The following SPTSSB variants were observed in gnomAD, a reference collection of about 807,000 sequenced individuals.
SPTSSB encodes serine palmitoyltransferase small subunit B.
Under a neutral mutation model 7.7 loss-of-function variants are expected in SPTSSB, and 6 were observed. The observed-to-expected ratio is 0.78, with a 90% CI of 0.43 to 1.54. SPTSSB has a LOEUF of 1.54. Ranked by LOEUF, SPTSSB falls within the 40% of genes most tolerant of loss-of-function variation. The probability of loss-of-function intolerance (pLI) is 0.01; values close to 1 mark genes in which losing one functional copy is unlikely to be tolerated. For synonymous variants in SPTSSB, 28 were observed against 29.7 expected (o/e 0.94, Z 0.19); for missense variants, 91 against 93.0 (o/e 0.98, Z 0.09).
intron 1 of SPTSSB, among the ~76,000 whole-genome samples, chr3:161,362,611 G>A (rs1294939172): frequency 6.6e-6 from 1 of 152,056 alleles, no homozygotes; most frequent in Non-Finnish European, 1.5e-5. Flanking sequence ...GTGAGAGTGG[G>A]AATGATCAAG....
intron 1 of SPTSSB, among the ~76,000 whole-genome samples, chr3:161,362,504 AT>A (rs1361934701): frequency 6.6e-6 from 1 of 152,110 alleles, no homozygotes; most frequent in Admixed American, 6.5e-5. Flanking sequence ...AGCATTGATT[AT>A]TTTAGACTCA....
chr3:161,357,977 A>G (rs1380596341), intron 2 of SPTSSB, among the ~76,000 whole-genome samples: 2 of 152,086 alleles, frequency 1.3e-5, no homozygotes, highest in Non-Finnish European at 2.9e-5. Flanking sequence ...GGAAGCAAAT[A>G]CAGATATCTT....
At chr3:161,357,238 C>T (rs191449800) in intron 2 of SPTSSB, among the ~76,000 whole-genome samples, 40 of 152,232 alleles carry the variant, frequency 2.6e-4, no homozygotes, top group Non-Finnish European at 4.6e-4. Context: ...TTGCTTTAGG[C>T]ACATAAATCG....
intron 2 of SPTSSB, among the ~76,000 whole-genome samples, chr3:161,356,963 A>G (rs1260806698): frequency 6.6e-6 from 1 of 152,108 alleles, no homozygotes; most frequent in Non-Finnish European, 1.5e-5. Context: ...GCCTGGGCAA[A>G]AGAGTAAGAC....
chr3:161,364,613 A>G (rs562375208), intron 1 of SPTSSB, among the ~76,000 whole-genome samples: 2 of 152,092 alleles, frequency 1.3e-5, no homozygotes, highest in South Asian at 4.1e-4. Flanking sequence ...AAACAAAAAG[A>G]TAATACAACA....
intron 2 of SPTSSB, among the ~76,000 whole-genome samples, chr3:161,347,693 G>A (rs1332308402): frequency 6.6e-6 from 1 of 151,376 alleles, no homozygotes; most frequent in African/African-American, 2.4e-5. Context: ...CCAACATGGT[G>A]AAACCCTGTC....
At chr3:161,362,694 C>T (rs2108166000) in intron 1 of SPTSSB, among the ~76,000 whole-genome samples, 1 of 152,040 alleles carries the variant, frequency 6.6e-6, no homozygotes, top group East Asian at 1.9e-4. Context: ...GCTGCATGAC[C>T]AGACTGTGAA....
intron 1 of SPTSSB, among the ~76,000 whole-genome samples, chr3:161,363,825 C>A (rs866900367): frequency 2.0e-5 from 3 of 151,944 alleles, no homozygotes; most frequent in South Asian, 2.1e-4. Context: ...TTTCAAGGTA[C>A]CTCAAGATTT....
rs1714131762 is a variant in SPTSSB, at chr3:161,344,810, A to G, written c.*1283T>C. On this transcript the variant is annotated 3_prime_UTR_variant, in exon 3 of 3. Coordinates refer to ENST00000620149, the MANE Select transcript of SPTSSB (RefSeq NM_001040100.2). ...CTGGAAGTAGATATTTACTTACAAAATTAATTTTATTTTGCAAAACTCAAC... is the reference window on the plus strand; with the variant it reads ...CTGGAAGTAGATATTTACTTACAAAGTTAATTTTATTTTGCAAAACTCAAC... The G allele has an allele frequency of 6.6e-6, 1 of 152,330 alleles. No homozygotes were observed. The highest frequency in any genetic ancestry group is 2.4e-5 in the African/African-American group (1 of 41,440). 9.4% of individuals were successfully genotyped at this position (152,330 alleles called of 1,614,324 possible). A position where few individuals can be genotyped will look rare whatever the true frequency, so the allele number is the denominator to read the frequency against.
At chr3:161,356,591 T>C (rs1023177386) in intron 2 of SPTSSB, among the ~76,000 whole-genome samples, 1 of 152,216 alleles carries the variant, frequency 6.6e-6, no homozygotes, top group Non-Finnish European at 1.5e-5. Context: ...TAATATTGAA[T>C]AGATATGTTT....
Position 161,351,708 on chromosome 3 carries a change from T to A in SPTSSB, c.-32-5353A>T, listed in dbSNP as rs574430774. Among the ~76,000 whole-genome samples the A allele has an allele frequency of 1.8e-4, 28 of 152,334 alleles. 1 individual carries two copies. In the South Asian group the frequency reaches 5.4e-3, roughly 29 times the overall value. ...TTTTATTCTATTCTGTTCCATTATA[T>A]TTATTCTTATCTATTCTAGTTAATT... On this transcript the variant is annotated intron_variant, in intron 2 of 2. Transcript: ENST00000620149.
intron 1 of SPTSSB, among the ~76,000 whole-genome samples, chr3:161,364,033 A>C (rs545046888): frequency 6.6e-6 from 1 of 152,300 alleles, no homozygotes; most frequent in African/African-American, 2.4e-5. Flanking sequence ...TCAGTTTTTC[A>C]TTAAGTTGCT....
At chr3:161,365,622 T>C (rs1715186422) in intron 1 of SPTSSB, among the ~76,000 whole-genome samples, 2 of 152,228 alleles carry the variant, frequency 1.3e-5, no homozygotes, top group South Asian at 4.1e-4. Flanking sequence ...CAATCAAAAT[T>C]TGTTGAATGA....
At chr3:161,359,233 G>A (rs1411960007) in intron 2 of SPTSSB, 1 of 152,082 alleles carries the variant, frequency 6.6e-6, no homozygotes, top group East Asian at 1.9e-4. Context: ...TTGGAAAATA[G>A]TGTTTTCATT....
At chr3:161,371,141 G>A (rs557441449) in intron 1 of SPTSSB, among the ~76,000 whole-genome samples, 3 of 152,104 alleles carry the variant, frequency 2.0e-5, no homozygotes, top group Non-Finnish European at 4.4e-5. Context: ...TTCCTGAGTC[G>A]TTAATGGACT....
chr3:161,355,021 G>T (rs997786760), intron 2 of SPTSSB, among the ~76,000 whole-genome samples: 3 of 152,222 alleles, frequency 2.0e-5, no homozygotes, highest in Non-Finnish European at 4.4e-5. Context: ...AGTAGGAAGA[G>T]AAATTTGTAA....
At chr3:161,368,380 G>A (rs1377122155) in intron 1 of SPTSSB, among the ~76,000 whole-genome samples, 1 of 151,574 alleles carries the variant, frequency 6.6e-6, no homozygotes, top group African/African-American at 2.4e-5. Flanking sequence ...ACCCCAAGAA[G>A]ACACACTGTA....
intron 2 of SPTSSB, among the ~76,000 whole-genome samples, chr3:161,353,189 A>G (rs1034486571): frequency 2.0e-4 from 31 of 152,270 alleles, no homozygotes; most frequent in African/African-American, 7.5e-4. Context: ...TAGTAAGGAG[A>G]GTTGGAATGG....
At chr3:161,347,400 G>A (rs967181267) in intron 2 of SPTSSB, among the ~76,000 whole-genome samples, 2 of 151,900 alleles carry the variant, frequency 1.3e-5, no homozygotes, top group Non-Finnish European at 2.9e-5. Flanking sequence ...TGGGATTACA[G>A]GCATGCACCA....
Sources: gnomAD v4.1 joint callset for allele counts (sites outside exome capture counted in the v4.1 genomes callset) on GRCh38, gnomAD v4.1.1 for gene constraint, MANE v1.5 for transcripts, NCBI Gene and HGNC (gene_info 2026-07-23, HGNC 2026-07-21) for gene names.